TP53BP1: variants seen among roughly 807,000 people sequenced by gnomAD.
TP53BP1 encodes tumor protein p53 binding protein 1, also known as TP53-binding protein 1.
TP53BP1 carries 61 observed loss-of-function variants against 200.8 expected under a neutral mutation model. That is an observed-to-expected ratio of 0.30 (90% CI 0.25 to 0.38). The LOEUF (loss-of-function observed/expected upper bound fraction) is 0.38. TP53BP1 is among the 10% of genes least tolerant of loss of function. The pLI is 1.00. For missense variants in TP53BP1, 2,144 were observed against 2,371.9 expected (o/e 0.90, Z 2.00); for synonymous variants, 822 against 844.3 (o/e 0.97, Z 0.46).
upstream of TP53BP1, among the ~76,000 whole-genome samples, chr15:43,497,149 T>C (rs1335328214): frequency 1.3e-5 from 2 of 152,222 alleles, no homozygotes; most frequent in Admixed American, 1.3e-4. Context: ...ATCCCAGTAC[T>C]TTGGGAGGCC....
chr15:43,427,135 A>C (rs1459980163), intron 18 of TP53BP1, among the ~76,000 whole-genome samples: 1 of 152,164 alleles, frequency 6.6e-6, no homozygotes, highest in African/African-American at 2.4e-5. Flanking sequence ...AATCTGTCTA[A>C]TCTCTCTCAT....
At chr15:43,409,121 T>C in intron 25 of TP53BP1, 25 bp from the exon 26 acceptor site, 1 of 1,610,718 alleles carries the variant, frequency 6.2e-7, no homozygotes, top group Non-Finnish European at 8.5e-7. Context: ...GCAGAGCCAA[T>C]GGGTTTGGTG....
intron 18 of TP53BP1, among the ~76,000 whole-genome samples, chr15:43,427,480 G>C (rs772962047): frequency 6.6e-6 from 1 of 152,152 alleles, no homozygotes; most frequent in Admixed American, 6.5e-5. Flanking sequence ...AAGCATGATG[G>C]GATGCATTAA....
At chr15:43,431,033 G>C (rs1374388446) in intron 17 of TP53BP1, among the ~76,000 whole-genome samples, 1 of 152,128 alleles carries the variant, frequency 6.6e-6, no homozygotes, top group East Asian at 1.9e-4. Flanking sequence ...GCAATACCAT[G>C]AGAGTTGATC....
intron 13 of TP53BP1, 188 bp downstream of exon 13, chr15:43,447,178 C>G (rs1445747899): frequency 3.3e-6 from 2 of 601,058 alleles, no homozygotes; most frequent in Non-Finnish European, 5.8e-6. Context: ...CCCTTTCTTT[C>G]CTTCCTCTCT....
At chr15:43,474,651 C>T (rs771202901) in intron 10 of TP53BP1, 22 bp downstream of exon 10, 3 of 1,534,496 alleles carry the variant, frequency 2.0e-6, no homozygotes, top group Admixed American at 3.5e-5. Flanking sequence ...CTGAGATCAA[C>T]AGACAGATCA....
intron 17 of TP53BP1, among the ~76,000 whole-genome samples, chr15:43,430,283 A>G (rs1461998531): frequency 1.3e-5 from 2 of 152,180 alleles, no homozygotes; most frequent in African/African-American, 4.8e-5. Context: ...TCTACACTGA[A>G]GGGGATTTTT....
At chr15:43,430,370 A>G (rs939123324) in intron 17 of TP53BP1, among the ~76,000 whole-genome samples, 5 of 152,182 alleles carry the variant, frequency 3.3e-5, no homozygotes, top group South Asian at 2.1e-4. Flanking sequence ...TGGCACACCA[A>G]TTTCAATTTC....
intron 10 of TP53BP1, among the ~76,000 whole-genome samples, chr15:43,471,968 G>A: frequency 6.6e-6 from 1 of 152,196 alleles, no homozygotes; most frequent in East Asian, 1.9e-4. Flanking sequence ...AACAGCCAGA[G>A]ACAAACTTTG....
chr15:43,424,564 G>A (rs1035765260), intron 18 of TP53BP1, among the ~76,000 whole-genome samples: 4 of 152,214 alleles, frequency 2.6e-5, no homozygotes, highest in African/African-American at 7.2e-5. Context: ...CATAGTATGT[G>A]CTCAATAAAC....
rs1053028739 is a variant in TP53BP1, at chr15:43,480,775, ACT to A, written c.499+118_499+119del. 7 of 1,110,626 alleles carry A rather than the reference ACT, an allele frequency of 6.3e-6. No homozygotes were observed. The African/African-American group carries it at 9.4e-5, about 15-fold the overall frequency. The allele number at this position is 1,110,626 out of a possible 1,614,324, so 68.8% of individuals were successfully genotyped here. A position where few individuals can be genotyped will look rare whatever the true frequency, so the allele number is the denominator to read the frequency against. ...TAAATTACTAGCAAATTTCTTAATG[ACT>A]CTCAATTTAATTATGAGAAATCTGC... On this transcript the variant is annotated intron_variant, in intron 5 of 27. Transcript: ENST00000382044.
intron 10 of TP53BP1, among the ~76,000 whole-genome samples, chr15:43,470,750 C>G (rs2046705943): frequency 1.3e-5 from 2 of 152,144 alleles, no homozygotes; most frequent in Non-Finnish European, 2.9e-5. Flanking sequence ...TGGAGTCAGC[C>G]CAGCTAGCTA....
chr15:43,481,946 G>A (rs905400865), intron 4 of TP53BP1, among the ~76,000 whole-genome samples: 16 of 151,868 alleles, frequency 1.1e-4, no homozygotes, highest in African/African-American at 2.4e-4. Flanking sequence ...AGTTAACACC[G>A]ACCAGGCACG....
chr15:43,436,180 G>A (rs902148476), intron 16 of TP53BP1, among the ~76,000 whole-genome samples: 6 of 151,476 alleles, frequency 4.0e-5, no homozygotes, highest in Non-Finnish European at 5.9e-5. Context: ...TTGTAGAGAC[G>A]AAGTTTCACC....
At chr15:43,454,680 A>C (rs2046253492) in intron 12 of TP53BP1, among the ~76,000 whole-genome samples, 1 of 151,918 alleles carries the variant, frequency 6.6e-6, no homozygotes. Flanking sequence ...TACTAACTCT[A>C]AGGATTCAGA....
At chr15:43,428,885 T>G (rs1000347721) in intron 17 of TP53BP1, among the ~76,000 whole-genome samples, 1 of 152,198 alleles carries the variant, frequency 6.6e-6, no homozygotes, top group Non-Finnish European at 1.5e-5. Context: ...GGATTGAGCT[T>G]CTTTCATTCA....
intron 11 of TP53BP1, among the ~76,000 whole-genome samples, chr15:43,467,606 C>T (rs1429784793): frequency 1.3e-5 from 2 of 152,032 alleles, no homozygotes; most frequent in East Asian, 1.9e-4. Context: ...TTTTTCAAAA[C>T]GTCCATTCTC....
At chr15:43,464,528 G>C (rs1173735273) in intron 11 of TP53BP1, among the ~76,000 whole-genome samples, 2 of 152,144 alleles carry the variant, frequency 1.3e-5, no homozygotes, top group African/African-American at 2.4e-5. Context: ...ATAGCCAAAA[G>C]GGGAAACAAC....
In TP53BP1 at chr15:43,421,061, C is replaced by T; in HGVS notation, c.4214G>A (p.Arg1405Gln). ...GGTCCGAGAAGGTGGGCGGCCCCTT[C>T]GCCCACGCCCACGAGGCGTGACTGG... ...KAPVTPRGRG[R>Q]RGRPPSRTTG... Residue 1405 changes from arginine to glutamine, a missense_variant, in exon 20 of 28, where the codon CGA becomes CAA. By Grantham distance (43) the Arg-to-Gln change is conservative (BLOSUM62 1). Transcript: ENST00000382044. 2 of 1,614,116 alleles carry T rather than the reference C, an allele frequency of 1.2e-6. No homozygotes were observed. Among genetic ancestry groups the T allele is most frequent in the Non-Finnish European group, 1.7e-6 (2 of 1,179,998 alleles).
Sources: allele counts gnomAD v4.1 joint callset (sites outside exome capture counted in the v4.1 genomes callset), GRCh38; gene constraint gnomAD v4.1.1; transcripts MANE v1.5; gene names NCBI Gene and HGNC (gene_info 2026-07-23, HGNC 2026-07-21).